GLYATL3: variants seen among roughly 807,000 people sequenced by gnomAD.
GLYATL3 encodes glycine N-acyltransferase-like protein 3.
In GLYATL3, 31 loss-of-function variants were observed where a neutral mutation model predicts 28.5. The ratio of observed to expected loss-of-function variants is 1.09; its 90% CI spans 0.82 to 1.47. The LOEUF (loss-of-function observed/expected upper bound fraction) is 1.47. GLYATL3 is among the 40% of genes most tolerant of loss of function. The pLI is 0.00. For synonymous variants in GLYATL3, 141 were observed against 140.2 expected (o/e 1.01, Z -0.04); for missense variants, 369 against 351.5 (o/e 1.05, Z -0.40).
At chr6:49,524,060 C>T (rs1269572361) in intron 5 of GLYATL3, among the ~76,000 whole-genome samples, 1 of 151,658 alleles carries the variant, frequency 6.6e-6, no homozygotes, top group African/African-American at 2.4e-5. Context: ...GCCTTTAACA[C>T]CTAAGTCATT....
At chr6:49,504,425 T>C (rs961252033) in intron 1 of GLYATL3, among the ~76,000 whole-genome samples, 1 of 152,088 alleles carries the variant, frequency 6.6e-6, no homozygotes, top group Admixed American at 6.6e-5. Flanking sequence ...CACGTTAAAA[T>C]AGAGCCTTTT....
In GLYATL3 at chr6:49,527,984, T is replaced by C. The variant is rs1328087566; in HGVS notation, c.*1070T>C. Among the ~76,000 whole-genome samples the C allele has an allele frequency of 1.3e-5, 2 of 152,224 alleles. No homozygotes were observed. Among genetic ancestry groups the C allele is most frequent in the Non-Finnish European group, 1.5e-5 (1 of 68,036 alleles). Reference sequence around the variant, plus strand: ...AGTACTGGAGGCAAAGCCAGAATGCTGCCATTTTAATTCCAATCTGTTATT... The same window carrying C: ...AGTACTGGAGGCAAAGCCAGAATGCCGCCATTTTAATTCCAATCTGTTATT... On this transcript the variant is annotated 3_prime_UTR_variant, in exon 6 of 6. Transcript: ENST00000371197.
At chr6:49,518,645 T>A (rs185631037) in intron 4 of GLYATL3, among the ~76,000 whole-genome samples, 1 of 152,240 alleles carries the variant, frequency 6.6e-6, no homozygotes, top group East Asian at 1.9e-4. Flanking sequence ...AGATGTCATA[T>A]AAAATTTATT....
At position 49,521,990 on chromosome 6, in the gene GLYATL3, T is replaced by C. The variant is rs530283355; in HGVS notation, c.440+219T>C. 3.3e-5 allele frequency among the ~76,000 whole-genome samples: 5 copies of C among 152,298 alleles called. No individual in the cohort carries two copies. In the South Asian group the frequency reaches 1.0e-3, roughly 32 times the overall value. On this transcript the variant is annotated intron_variant, in intron 5 of 5. Coordinates refer to ENST00000371197, the MANE Select transcript of GLYATL3 (RefSeq NM_001010904.2). ...ATAATTTCATTGAAAATCAAATCAG[T>C]ATATTTGTCCATAGTTATAAATGAA...
intron 5 of GLYATL3, among the ~76,000 whole-genome samples, chr6:49,525,426 C>T (rs1020955952): frequency 2.0e-5 from 3 of 151,324 alleles, no homozygotes; most frequent in Admixed American, 6.6e-5. Context: ...ATTAGCCAGG[C>T]GTGGTGGCAC....
At chr6:49,510,757 C>T (rs897036314) in intron 1 of GLYATL3, among the ~76,000 whole-genome samples, 3 of 152,116 alleles carry the variant, frequency 2.0e-5, no homozygotes, top group African/African-American at 7.2e-5. Flanking sequence ...TCAAAAGCCT[C>T]TTAATGTTCG....
At chr6:49,504,937 G>A (rs1352721431) in intron 1 of GLYATL3, among the ~76,000 whole-genome samples, 1 of 152,164 alleles carries the variant, frequency 6.6e-6, no homozygotes, top group Non-Finnish European at 1.5e-5. Context: ...AGGAACATGA[G>A]TAACATCCAT....
At chr6:49,501,851 C>T (rs1207467077) in intron 1 of GLYATL3, among the ~76,000 whole-genome samples, 1 of 152,158 alleles carries the variant, frequency 6.6e-6, no homozygotes, top group African/African-American at 2.4e-5. Context: ...CCTCATTCGT[C>T]CATTTATAGG....
chr6:49,515,729 T>C lies in GLYATL3; in HGVS notation c.155T>C (p.Phe52Ser), dbSNP rs773861779. The change falls in exon 3 of 6, where the codon TTC (phenylalanine) becomes TCC (serine). Residue 52 changes from phenylalanine (F) to serine (S), a missense_variant. Physicochemically the swap from Phe to Ser is radical, Grantham distance 155. Transcript: ENST00000371197. The part of the protein sequence containing the change: ...KEVVLDSWPD[F>S]KAVITRRQRE... Reference sequence around the variant, plus strand: ...GTGGTGTTGGATTCATGGCCGGATTTCAAAGCTGTTATCACCCGACGACAA... The same window carrying C: ...GTGGTGTTGGATTCATGGCCGGATTCCAAAGCTGTTATCACCCGACGACAA... The C allele has an allele frequency of 2.6e-6, 4 of 1,550,366 alleles. No individual in the cohort carries two copies. The highest frequency in any genetic ancestry group is 1.7e-4 in the Middle Eastern group (1 of 6,014).
intron 1 of GLYATL3, among the ~76,000 whole-genome samples, chr6:49,507,517 C>T (rs903577478): frequency 3.9e-5 from 6 of 152,080 alleles, no homozygotes; most frequent in African/African-American, 9.7e-5. Flanking sequence ...CTGTGATTGT[C>T]GCATAATAGC....
At chr6:49,510,439 T>A (rs1769101477) in intron 1 of GLYATL3, among the ~76,000 whole-genome samples, 1 of 152,216 alleles carries the variant, frequency 6.6e-6, no homozygotes, top group Non-Finnish European at 1.5e-5. Context: ...CTCTTTTCAT[T>A]TGCTACTTCA....
intron 1 of GLYATL3, among the ~76,000 whole-genome samples, chr6:49,505,733 C>T (rs1769000244): frequency 6.6e-6 from 1 of 152,190 alleles, no homozygotes; most frequent in Non-Finnish European, 1.5e-5. Flanking sequence ...ATTTTAGTGA[C>T]ACACTGACAT....
rs982062884 is a variant in GLYATL3 at position 49,526,367 on chromosome 6, C to A, written c.441-121C>A. The A allele has an allele frequency of 7.7e-6, 6 of 774,538 alleles. No homozygotes were observed. The African/African-American group carries it at 8.8e-5, about 11-fold the overall frequency. 48.0% of individuals were successfully genotyped at this position (774,538 alleles called of 1,614,324 possible). A position where few individuals can be genotyped will look rare whatever the true frequency, so the allele number is the denominator to read the frequency against. ...GGCAGAGGTTGCAGTGAGCAGAGAT[C>A]ACGCCACTGCACTCCAGCCTGGGCG... On this transcript the variant is annotated intron_variant, in intron 5 of 5. Transcript: ENST00000371197.
In GLYATL3 at chr6:49,527,557, G is replaced by A. The variant is rs1769444929; in HGVS notation, c.*643G>A. ...GGCAGGTTGCAACACACATCACTAG[G>A]CCTCTCCTTCTACGAGGTAGGGCCC... On this transcript the variant is annotated 3_prime_UTR_variant, in exon 6 of 6. Coordinates refer to ENST00000371197, the MANE Select transcript of GLYATL3 (RefSeq NM_001010904.2). Among the ~76,000 whole-genome samples, 1 of 152,118 alleles carries A rather than the reference G, an allele frequency of 6.6e-6. No homozygotes were observed. Among genetic ancestry groups the A allele is most frequent in the Non-Finnish European group, 1.5e-5 (1 of 68,038 alleles).
Position 49,526,555 on chromosome 6 carries a change from T to C in GLYATL3, c.508T>C (p.Ser170Pro). ...ANADLLNRTW[S>P]RGGNEQCLRY... Reference sequence around the variant, plus strand: ...TGCGGATCTACTCAACCGGACTTGGTCCCGGGGAGGCAATGAACAATGTCT... The same window carrying C: ...TGCGGATCTACTCAACCGGACTTGGCCCCGGGGAGGCAATGAACAATGTCT... Residue 170 changes from serine to proline, a missense_variant, in exon 6 of 6, where the codon TCC becomes CCC. By Grantham distance (74) the Ser-to-Pro change is moderately conservative. Coordinates refer to ENST00000371197, the MANE Select transcript of GLYATL3 (RefSeq NM_001010904.2). 1 of 1,551,776 alleles carries C rather than the reference T, an allele frequency of 6.4e-7. No individual in the cohort carries two copies. Among genetic ancestry groups the C allele is most frequent in the Non-Finnish European group, 8.7e-7 (1 of 1,147,002 alleles).
At chr6:49,513,045 G>A (rs575472552) in intron 2 of GLYATL3, among the ~76,000 whole-genome samples, 155 of 152,240 alleles carry the variant, frequency 1.0e-3, no homozygotes, top group Middle Eastern at 3.4e-3. Context: ...TGAATTAATG[G>A]AATGAAATGG....
intron 1 of GLYATL3, among the ~76,000 whole-genome samples, chr6:49,504,348 G>T (rs1208079817): frequency 6.6e-6 from 1 of 151,202 alleles, no homozygotes; most frequent in Non-Finnish European, 1.5e-5. Context: ...AAAATTTCAG[G>T]TGTCTAGCAG....
chr6:49,516,150 T>C (rs1233323841), intron 3 of GLYATL3, among the ~76,000 whole-genome samples: 2 of 152,114 alleles, frequency 1.3e-5, no homozygotes, highest in Non-Finnish European at 2.9e-5. Flanking sequence ...TTTCACCATG[T>C]TGGCCAGGCT....
chr6:49,513,068 C>G (rs1769151929), intron 2 of GLYATL3, among the ~76,000 whole-genome samples: 1 of 152,068 alleles, frequency 6.6e-6, no homozygotes, highest in South Asian at 2.1e-4. Context: ...GGCTACTTTG[C>G]TTTAATAATA....
Sources: gnomAD v4.1 joint callset for allele counts (sites outside exome capture counted in the v4.1 genomes callset) on GRCh38, gnomAD v4.1.1 for gene constraint, MANE v1.5 for transcripts, NCBI Gene and HGNC (gene_info 2026-07-23, HGNC 2026-07-21) for gene names.